The following HSD17B4 variants were observed in gnomAD, a reference collection of about 807,000 sequenced individuals.
The protein encoded by HSD17B4 is peroxisomal multifunctional enzyme type 2.
HSD17B4 carries 70 observed loss-of-function variants against 101.0 expected under a neutral mutation model. That is an observed-to-expected ratio of 0.69 (90% CI 0.57 to 0.85). HSD17B4 has a LOEUF of 0.85. Ranked by LOEUF, HSD17B4 falls within the 40% of genes least tolerant of loss-of-function variation. The pLI is 0.00. For synonymous variants in HSD17B4, 347 were observed against 297.1 expected, an observed-to-expected ratio of 1.17 and a Z score of -1.73; for missense variants, 984 against 892.4, an observed-to-expected ratio of 1.10 and a Z score of -1.31.
chr5:119,536,987 T>C (rs1754596118), intron 23 of HSD17B4, among the ~76,000 whole-genome samples: 1 of 152,154 alleles, frequency 6.6e-6, no homozygotes, highest in South Asian at 2.1e-4. Flanking sequence ...TCTGTGACGA[T>C]TATTTAGTTA....
chr5:119,464,954 GT>G (rs1356162065), intron 2 of HSD17B4, among the ~76,000 whole-genome samples: 1 of 151,714 alleles, frequency 6.6e-6, no homozygotes, highest in African/African-American at 2.4e-5. Flanking sequence ...TTTCAGCTTT[GT>G]TCTTTTTGCT....
rs1034994864 is a variant in HSD17B4 at position 119,456,339 on chromosome 5, C to G, written c.83C>G (p.Ala28Gly). 6.2e-7 allele frequency: 1 copy of G among 1,611,298 alleles called. No individual in the cohort carries two copies. The highest frequency in any genetic ancestry group is 8.5e-7 in the Non-Finnish European group (1 of 1,177,430). Residue 28 changes from alanine to glycine, a missense_variant, in exon 2 of 24, where the codon GCT (alanine) becomes GGT (glycine). By Grantham distance (60) the Ala-to-Gly change is moderately conservative. Coordinates refer to ENST00000510025, the MANE Select transcript of HSD17B4 (RefSeq NM_000414.4). Reference sequence around the variant, plus strand: ...GGATTGGGCCGAGCCTATGCCCTGGCTTTTGCAGAAAGAGGAGCGTTAGTT... The same window carrying G: ...GGATTGGGCCGAGCCTATGCCCTGGGTTTTGCAGAAAGAGGAGCGTTAGTT... ...GAGLGRAYAL[A>G]FAERGALVVV...
chr5:119,474,458 T>C lies in HSD17B4; in HGVS notation c.278T>C (p.Ile93Thr), dbSNP rs544455125. The C allele has an allele frequency of 1.4e-5, 22 of 1,590,622 alleles. No homozygotes were observed. In the East Asian group the frequency reaches 3.1e-4, roughly 23 times the overall value. Residue 93 changes from isoleucine to threonine, a missense_variant and splice_region_variant, in exon 4 of 24, where the codon ATA (isoleucine) becomes ACA (threonine). Ile to Thr is a moderately conservative substitution (Grantham distance 89). Transcript: ENST00000510025. ...ACAGCCCTGGATGCTTTTGGAAGAA[T>C]AGGTGATGTTTCTTTGTGTTATGGC... ...VKTALDAFGR[I>T]DVVVNNAGIL...
In HSD17B4 at chr5:119,541,335, G is replaced by T. The variant is rs548130848; in HGVS notation, c.2122-570G>T. On this transcript the variant is annotated intron_variant, in intron 23 of 23. Transcript: ENST00000510025. ...AGGGACTGTTGTTATGCCTTTTATA[G>T]ATGAGGAGATTGAAACTCACAGAGG... Among the ~76,000 whole-genome samples, 381 of 152,266 alleles carry T rather than the reference G, an allele frequency of 2.5e-3. 6 individuals are homozygous for T. Among genetic ancestry groups the T allele is most frequent in the Non-Finnish European group, 4.0e-3 (270 of 68,016 alleles).
chr5:119,530,581 G>A (rs553777916), intron 21 of HSD17B4, among the ~76,000 whole-genome samples: 93 of 150,674 alleles, frequency 6.2e-4, no homozygotes, highest in African/African-American at 2.0e-3. Flanking sequence ...GAGCGGGCTC[G>A]GTGCCTCACG....
Position 119,509,224 on chromosome 5 carries a change from C to T in HSD17B4, c.1417C>T (p.Arg473Trp), listed in dbSNP as rs201455193. The change falls in exon 16 of 24, where the codon CGG becomes TGG. Residue 473 changes from arginine to tryptophan, a missense_variant. Coordinates refer to ENST00000510025, the MANE Select transcript of HSD17B4 (RefSeq NM_000414.4). Reference sequence around the variant, plus strand: ...TGGCTCTGGAGGCTTTGGTGGAAAACGGACATCAGACAAAGTCAAGGTAAG... The same window carrying T: ...TGGCTCTGGAGGCTTTGGTGGAAAATGGACATCAGACAAAGTCAAGGTAAG... Reference protein sequence around the residue: ...LVGSGGFGGKRTSDKVKVAVA... With the variant: ...LVGSGGFGGKWTSDKVKVAVA... The T allele has an allele frequency of 1.3e-4, 203 of 1,602,684 alleles. No homozygotes were observed. Among genetic ancestry groups the T allele is most frequent in the Middle Eastern group, 3.3e-4 (2 of 6,030 alleles).
At position 119,536,568 on chromosome 5, in the gene HSD17B4, T is replaced by A; in HGVS notation, c.2121+18T>A. On this transcript the variant is annotated intron_variant, in intron 23 of 23. Coordinates refer to ENST00000510025, the MANE Select transcript of HSD17B4 (RefSeq NM_000414.4). ...CTCAGAAGGTAATGTTCTCAAATGTTCATTTATTCATTGTTTTATTGTTTC... is the reference window on the plus strand; with the variant it reads ...CTCAGAAGGTAATGTTCTCAAATGTACATTTATTCATTGTTTTATTGTTTC... The A allele has an allele frequency of 6.2e-7, 1 of 1,609,560 alleles. No individual in the cohort carries two copies. The highest frequency in any genetic ancestry group is 8.5e-7 in the Non-Finnish European group (1 of 1,176,346).
At chr5:119,504,894 A>G (rs1751505589) in intron 14 of HSD17B4, among the ~76,000 whole-genome samples, 1 of 152,224 alleles carries the variant, frequency 6.6e-6, no homozygotes. Context: ...TCTTACATCT[A>G]AATATTTAAT....
chr5:119,464,964 C>G (rs886129719), intron 2 of HSD17B4, among the ~76,000 whole-genome samples: 2 of 151,654 alleles, frequency 1.3e-5, no homozygotes, highest in African/African-American at 4.8e-5. Flanking sequence ...GTTCTTTTTG[C>G]TCAGTATTGC....
At chr5:119,514,844 T>C in intron 16 of HSD17B4, 137 bp from the exon 17 acceptor site, 1 of 656,404 alleles carries the variant, frequency 1.5e-6, no homozygotes, top group South Asian at 1.8e-5. Context: ...TTCCTGAGCA[T>C]GATTTTTTTT....
At chr5:119,472,351 A>G (rs1348818654) in intron 2 of HSD17B4, 2 of 152,192 alleles carry the variant, frequency 1.3e-5, no homozygotes, top group Non-Finnish European at 2.9e-5. Context: ...TATCCTCTTC[A>G]CAAGGTTTTA....
intron 17 of HSD17B4, among the ~76,000 whole-genome samples, chr5:119,517,211 C>T (rs61363907): frequency 0.18 from 26,858 of 152,168 alleles, 3,718 homozygotes; most frequent in East Asian, 0.42. Context: ...AGCTGGCCGG[C>T]CCTGCTGGCC....
rs559244865 is a variant in HSD17B4 at position 119,471,824 on chromosome 5, T to C, written c.113-2084T>C. On this transcript the variant is annotated intron_variant, in intron 2 of 23. Transcript: ENST00000510025. ...TATTGTGTAAATTAACTTTGATATT[T>C]GTTCTTATTTGATTATGTTGGCTTG... 6.3e-5 allele frequency: 35 copies of C among 559,172 alleles called. No individual in the cohort carries two copies. The East Asian group carries it at 1.1e-3, about 17-fold the overall frequency. The allele number at this position is 559,172 out of a possible 1,614,324, so 34.6% of individuals were successfully genotyped here. A position where few individuals can be genotyped will look rare whatever the true frequency, so the allele number is the denominator to read the frequency against.
At position 119,509,550 on chromosome 5, in the gene HSD17B4, T is replaced by A. The variant is rs68024523; in HGVS notation, c.1437+306T>A. On this transcript the variant is annotated intron_variant, in intron 16 of 23. Coordinates refer to ENST00000510025, the MANE Select transcript of HSD17B4 (RefSeq NM_000414.4). ...ATGACATTTTATTTTTCCTAGTTTC[T>A]TCTTCCTCTTCTTCTTTTTCTCAGA... The A allele has an allele frequency of 0.093, 40,103 of 432,200 alleles. 3,042 individuals are homozygous for A. The highest frequency in any genetic ancestry group is 0.29 in the African/African-American group (14,354 of 49,558). The allele number at this position is 432,200 out of a possible 1,614,324, so 26.8% of individuals were successfully genotyped here.
intron 8 of HSD17B4, among the ~76,000 whole-genome samples, chr5:119,484,184 GGT>G (rs1455851678): frequency 6.6e-6 from 1 of 152,048 alleles, no homozygotes; most frequent in Non-Finnish European, 1.5e-5. Context: ...CTCCAGCCTG[GGT>G]AATGGACTGA....
chr5:119,531,253 T>G lies in HSD17B4; in HGVS notation c.1855-13T>G. Reference sequence around the variant, plus strand: ...TACAGAACTTTTAAAGTTTATTTTGTTGTCGTTGTTAGGGCGGGAAGCTTC... The same window carrying G: ...TACAGAACTTTTAAAGTTTATTTTGGTGTCGTTGTTAGGGCGGGAAGCTTC... On this transcript the variant is annotated splice_polypyrimidine_tract_variant and intron_variant, in intron 21 of 23. Coordinates refer to ENST00000510025, the MANE Select transcript of HSD17B4 (RefSeq NM_000414.4). 7.4e-6 allele frequency: 12 copies of G among 1,613,064 alleles called. No homozygotes were observed. Among genetic ancestry groups the G allele is most frequent in the Non-Finnish European group, 1.0e-5 (12 of 1,179,238 alleles).
At chr5:119,480,000 T>C (rs1284229343) in intron 8 of HSD17B4, among the ~76,000 whole-genome samples, 1 of 152,190 alleles carries the variant, frequency 6.6e-6, no homozygotes, top group Non-Finnish European at 1.5e-5. Flanking sequence ...CTCGCCAGCA[T>C]TTTTTATTGT....
chr5:119,459,978 C>T (rs1755057951), intron 2 of HSD17B4, among the ~76,000 whole-genome samples: 1 of 151,502 alleles, frequency 6.6e-6, no homozygotes, highest in Admixed American at 6.6e-5. Flanking sequence ...TCACGCCATT[C>T]TCCTGCCTCA....
At chr5:119,464,049 T>C (rs1054333881) in intron 2 of HSD17B4, among the ~76,000 whole-genome samples, 9 of 152,122 alleles carry the variant, frequency 5.9e-5, no homozygotes, top group African/African-American at 1.7e-4. Context: ...TTATTTATTT[T>C]TTATTTTTGG....
Sources: allele counts gnomAD v4.1 joint callset (sites outside exome capture counted in the v4.1 genomes callset), GRCh38; gene constraint gnomAD v4.1.1; transcripts MANE v1.5; gene names NCBI Gene and HGNC (gene_info 2026-07-23, HGNC 2026-07-21).